NREP: variants seen among roughly 807,000 people sequenced by gnomAD.
The protein encoded by NREP is neuronal regeneration related protein, also known as neuronal regeneration-related protein.
Under a neutral mutation model 8.6 loss-of-function variants are expected in NREP, and 5 were observed. The observed-to-expected ratio is 0.58, with a 90% CI of 0.30 to 1.22. NREP has a LOEUF of 1.22. Ranked by LOEUF, NREP falls within the 50% of genes most tolerant of loss-of-function variation. NREP has a pLI of 0.07. For missense variants in NREP, 86 were observed against 82.5 expected, an observed-to-expected ratio of 1.04 and a Z score of -0.17; for synonymous variants, 27 against 28.0, an observed-to-expected ratio of 0.96 and a Z score of 0.11.
intron 2 of NREP, among the ~76,000 whole-genome samples, chr5:111,819,221 T>G (rs1237640432): frequency 6.6e-6 from 1 of 152,160 alleles, no homozygotes; most frequent in Non-Finnish European, 1.5e-5. Flanking sequence ...CTGACCTGAA[T>G]CATCCTGAGT....
At chr5:111,936,796 G>A (rs1755696104) in intron 2 of NREP, among the ~76,000 whole-genome samples, 2 of 152,080 alleles carry the variant, frequency 1.3e-5, no homozygotes, top group South Asian at 2.1e-4. Flanking sequence ...TCGTAACACA[G>A]CAAAGAAAAT....
chr5:111,907,900 C>A (rs1028721102), intron 2 of NREP, among the ~76,000 whole-genome samples: 2 of 151,898 alleles, frequency 1.3e-5, no homozygotes, highest in African/African-American at 4.8e-5. Context: ...TTTTTTATAT[C>A]CCTGTTACCA....
At chr5:111,939,790 G>A (rs976832055) in intron 2 of NREP, among the ~76,000 whole-genome samples, 1 of 152,058 alleles carries the variant, frequency 6.6e-6, no homozygotes, top group Non-Finnish European at 1.5e-5. Flanking sequence ...CAAGAGGGCT[G>A]CTATGTGCCT....
At chr5:111,833,237 A>T (rs1752816658) in intron 2 of NREP, among the ~76,000 whole-genome samples, 1 of 152,234 alleles carries the variant, frequency 6.6e-6, no homozygotes, top group South Asian at 2.1e-4. Flanking sequence ...AAATCCTCAG[A>T]GGGATAACTG....
intron 2 of NREP, among the ~76,000 whole-genome samples, chr5:111,780,521 T>G (rs538701025): frequency 1.3e-5 from 2 of 152,126 alleles, no homozygotes; most frequent in East Asian, 3.8e-4. Flanking sequence ...GCTGCAAACA[T>G]CAGTCAAGTC....
intron 2 of NREP, among the ~76,000 whole-genome samples, chr5:111,926,445 C>A (rs914504665): frequency 6.6e-6 from 1 of 152,110 alleles, no homozygotes; most frequent in Non-Finnish European, 1.5e-5. Context: ...TGTTGTCCCA[C>A]AGGGCAAAGA....
intron 2 of NREP, among the ~76,000 whole-genome samples, chr5:111,921,124 T>C (rs952519228): frequency 6.6e-6 from 1 of 152,176 alleles, no homozygotes; most frequent in African/African-American, 2.4e-5. Flanking sequence ...CTTAACTATC[T>C]GCCTAGTTGA....
intron 2 of NREP, among the ~76,000 whole-genome samples, chr5:111,862,420 A>T (rs1435129195): frequency 6.6e-6 from 1 of 152,166 alleles, no homozygotes; most frequent in Non-Finnish European, 1.5e-5. Flanking sequence ...AGAATGACAG[A>T]GTACGGCGAG....
At chr5:111,909,548 G>A (rs991499911) in intron 2 of NREP, among the ~76,000 whole-genome samples, 8 of 152,024 alleles carry the variant, frequency 5.3e-5, no homozygotes, top group Admixed American at 5.3e-4. Context: ...GAAATAGGCT[G>A]GATGACAAAC....
chr5:111,840,131 T>C (rs908750099), intron 2 of NREP, among the ~76,000 whole-genome samples: 9 of 152,070 alleles, frequency 5.9e-5, no homozygotes, highest in Admixed American at 2.6e-4. Flanking sequence ...CATTATTATA[T>C]GCATGTCTCA....
At chr5:111,742,383 C>CT (rs1297180947) in intron 2 of NREP, among the ~76,000 whole-genome samples, 5 of 152,074 alleles carry the variant, frequency 3.3e-5, no homozygotes, top group Admixed American at 2.0e-4. Flanking sequence ...TATTTCTAGA[C>CT]TTTAACTAGG....
chr5:111,876,565 T>C (rs1033760127), intron 2 of NREP, among the ~76,000 whole-genome samples: 2 of 152,196 alleles, frequency 1.3e-5, no homozygotes, highest in African/African-American at 4.8e-5. Flanking sequence ...GAACTGTGTG[T>C]ACTGCACTCT....
intron 2 of NREP, among the ~76,000 whole-genome samples, chr5:111,769,126 A>C (rs1426942497): frequency 2.0e-5 from 3 of 152,144 alleles, no homozygotes; most frequent in African/African-American, 4.8e-5. Context: ...CTATATCTTA[A>C]ATGGGATACA....
At chr5:111,823,877 G>T (rs2112926921) in intron 2 of NREP, among the ~76,000 whole-genome samples, 1 of 152,254 alleles carries the variant, frequency 6.6e-6, no homozygotes, top group Admixed American at 6.5e-5. Flanking sequence ...CTTTTTAAAA[G>T]TAGATGTTTC....
chr5:111,754,360 A>G (rs1750570317), intron 2 of NREP, among the ~76,000 whole-genome samples: 1 of 152,156 alleles, frequency 6.6e-6, no homozygotes. Context: ...GTCCATAGTC[A>G]TATTTATGTT....
chr5:111,767,964 C>A (rs1332453906), intron 2 of NREP, among the ~76,000 whole-genome samples: 1 of 152,174 alleles, frequency 6.6e-6, no homozygotes, highest in African/African-American at 2.4e-5. Context: ...GGTACCTAGC[C>A]TGTAGTACAT....
intron 2 of NREP, among the ~76,000 whole-genome samples, chr5:111,913,508 C>A (rs752120258): frequency 6.6e-6 from 1 of 152,070 alleles, no homozygotes; most frequent in African/African-American, 2.4e-5. Flanking sequence ...AAAGGATAGA[C>A]ATCTTCCCAG....
intron 2 of NREP, among the ~76,000 whole-genome samples, chr5:111,794,503 A>G (rs1006920324): frequency 6.6e-6 from 1 of 152,234 alleles, no homozygotes; most frequent in Non-Finnish European, 1.5e-5. Context: ...TTAATAAGAA[A>G]TTAGTTCTTC....
chr5:111,732,258 TG>T, intron 3 of NREP: 1 of 152,286 alleles, frequency 6.6e-6, no homozygotes, highest in Middle Eastern at 3.4e-3. Flanking sequence ...CCAAACAACT[TG>T]AAATTGAATA....
Sources: allele counts gnomAD v4.1 joint callset (sites outside exome capture counted in the v4.1 genomes callset), GRCh38; gene constraint gnomAD v4.1.1; transcripts MANE v1.5; gene names NCBI Gene and HGNC (gene_info 2026-07-23, HGNC 2026-07-21).